The following HSD17B6 variants were observed in gnomAD, a reference collection of about 807,000 sequenced individuals.
HSD17B6 encodes the protein 17-beta-hydroxysteroid dehydrogenase type 6.
Under a neutral mutation model 26.4 loss-of-function variants are expected in HSD17B6, and 16 were observed. The observed-to-expected ratio is 0.61, with a 90% CI of 0.41 to 0.92. The LOEUF is 0.92. Ranked by LOEUF, HSD17B6 falls within the 40% of genes least tolerant of loss-of-function variation. The pLI is 0.00. For missense variants in HSD17B6, 357 were observed against 386.1 expected (o/e 0.92, Z 0.63); for synonymous variants, 139 against 153.0 (o/e 0.91, Z 0.68).
chr12:56,785,101 G>A, intron 4 of HSD17B6, 85 bp downstream of exon 4: 1 of 1,349,264 alleles, frequency 7.4e-7, no homozygotes, highest in Non-Finnish European at 1.0e-6. Flanking sequence ...CTGAGACTGG[G>A]TAATTTATAA....
At position 56,774,120 on chromosome 12, in the gene HSD17B6, A is replaced by G. The variant is rs775246228; in HGVS notation, c.268A>G (p.Ile90Val). ...CCTGGATGTTACCAAGATGGAGAGC[A>G]TCGCTGCAGCTACTCAGTGGGTGAA... is the stretch of plus-strand genomic sequence containing the variant. ...VTLDVTKMES[I>V]AAATQWVKEH... is the part of the protein sequence containing the mutation. The change falls in exon 2 of 5, where the codon ATC becomes GTC. Residue 90 changes from isoleucine to valine, a missense_variant. Coordinates refer to ENST00000322165, the MANE Select transcript of HSD17B6 (RefSeq NM_003725.4). The G allele has an allele frequency of 2.2e-5, 36 of 1,600,876 alleles. No homozygotes were observed. The highest frequency in any genetic ancestry group is 3.4e-5 in the Admixed American group (2 of 59,296).
In HSD17B6 at chr12:56,780,641, G is replaced by A. The variant is rs1312980021; in HGVS notation, c.314-1333G>A. 2.6e-5 allele frequency among the ~76,000 whole-genome samples: 4 copies of A among 151,996 alleles called. No homozygotes were observed. The East Asian group carries it at 5.8e-4, about 22-fold the overall frequency. The stretch of plus-strand genomic sequence containing the variant: ...TGGGAGGCCGAGGCGGGCAGATCAC[G>A]AGGTCAGGAGATCGAGACCATCCTG... On this transcript the variant is annotated intron_variant, in intron 2 of 4. Transcript: ENST00000322165.
chr12:56,776,284 A>C (rs1954590668), intron 2 of HSD17B6, among the ~76,000 whole-genome samples: 1 of 150,036 alleles, frequency 6.7e-6, no homozygotes, highest in African/African-American at 2.5e-5. Context: ...GTATGCATTT[A>C]AGATTCCTTC....
rs1954539454 is a variant in HSD17B6 at position 56,774,080 on chromosome 12, G to T, written c.228G>T (p.Arg76Ser). The T allele has an allele frequency of 1.2e-6, 2 of 1,613,748 alleles. No homozygotes were observed. Among genetic ancestry groups the T allele is most frequent in the East Asian group, 2.2e-5 (1 of 44,886 alleles). Reference protein sequence around the residue: ...AEQLRGQTSDRLETVTLDVTK... With the variant: ...AEQLRGQTSDSLETVTLDVTK... ...AGCTGAGGGGCCAGACGTCTGACAG[G>T]CTGGAGACGGTGACCCTGGATGTTA... The change falls in exon 2 of 5, where the codon AGG becomes AGT. Residue 76 changes from arginine (R) to serine (S), a missense_variant. Arg to Ser is a moderately radical substitution (Grantham distance 110). Transcript: ENST00000322165.
At chr12:56,786,409 C>T (rs1283394640) in intron 4 of HSD17B6, among the ~76,000 whole-genome samples, 2 of 152,104 alleles carry the variant, frequency 1.3e-5, no homozygotes, top group African/African-American at 2.4e-5. Flanking sequence ...ACCACCAAGC[C>T]TGGCTAATTT....
At chr12:56,783,920 C>G (rs547376556) in intron 3 of HSD17B6, among the ~76,000 whole-genome samples, 1 of 147,914 alleles carries the variant, frequency 6.8e-6, no homozygotes, top group Admixed American at 6.7e-5. Flanking sequence ...ACTTCTCAAA[C>G]GGGGCGGTTG....
At chr12:56,766,756 G>A (rs1954338674) in intron 1 of HSD17B6, among the ~76,000 whole-genome samples, 2 of 152,186 alleles carry the variant, frequency 1.3e-5, no homozygotes, top group African/African-American at 2.4e-5. Context: ...GGCCAATCAA[G>A]AGGCATTGAG....
chr12:56,777,227 C>T (rs1475881206), intron 2 of HSD17B6, among the ~76,000 whole-genome samples: 1 of 152,122 alleles, frequency 6.6e-6, no homozygotes, highest in African/African-American at 2.4e-5. Flanking sequence ...ACTAGAGTAG[C>T]TGGGACTACA....
At chr12:56,775,662 G>T (rs1393928380) in intron 2 of HSD17B6, among the ~76,000 whole-genome samples, 1 of 151,724 alleles carries the variant, frequency 6.6e-6, no homozygotes, top group East Asian at 1.9e-4. Flanking sequence ...TTGAGACAGA[G>T]TTGTTACAAT....
At position 56,787,419 on chromosome 12, in the gene HSD17B6, A is replaced by T. The variant is rs1954903620; in HGVS notation, c.*77A>T. Reference sequence around the variant, plus strand: ...AGTGTCTCAGTAATCCTGATTTAGAACCCAGGCTTTTTGTAACAATGTGTT... The same window carrying T: ...AGTGTCTCAGTAATCCTGATTTAGATCCCAGGCTTTTTGTAACAATGTGTT... On this transcript the variant is annotated 3_prime_UTR_variant, in exon 5 of 5. Coordinates refer to ENST00000322165, the MANE Select transcript of HSD17B6 (RefSeq NM_003725.4). 1.1e-6 allele frequency: 1 copy of T among 923,302 alleles called. No homozygotes were observed. The highest frequency in any genetic ancestry group is 1.7e-6 in the Non-Finnish European group (1 of 598,498). The allele number at this position is 923,302 out of a possible 1,614,324, so 57.2% of individuals were successfully genotyped here. A position where few individuals can be genotyped will look rare whatever the true frequency, so the allele number is the denominator to read the frequency against.
chr12:56,764,174 G>A (rs914888753), intron 1 of HSD17B6, among the ~76,000 whole-genome samples: 1 of 151,888 alleles, frequency 6.6e-6, no homozygotes, highest in Non-Finnish European at 1.5e-5. Flanking sequence ...TAGCCTGTAT[G>A]CCCAAGTGGG....
intron 2 of HSD17B6, among the ~76,000 whole-genome samples, chr12:56,780,156 T>C (rs1442977093): frequency 6.6e-6 from 1 of 152,222 alleles, no homozygotes; most frequent in Non-Finnish European, 1.5e-5. Context: ...ATTTTATTTT[T>C]TCTTTGATCT....
At chr12:56,787,073 T>C in intron 4 of HSD17B6, 52 bp from the exon 5 acceptor site, 1 of 1,406,764 alleles carries the variant, frequency 7.1e-7, no homozygotes, top group Middle Eastern at 1.8e-4. Context: ...TGCATGATCT[T>C]AAAAATATAA....
chr12:56,784,383 C>T (rs1295792832), intron 3 of HSD17B6, among the ~76,000 whole-genome samples: 1 of 152,190 alleles, frequency 6.6e-6, no homozygotes, highest in Non-Finnish European at 1.5e-5. Flanking sequence ...CCAGCCTGGG[C>T]ACCATTGAGC....
intron 2 of HSD17B6, among the ~76,000 whole-genome samples, chr12:56,778,674 C>CTTTTT (rs1159153527): frequency 1.6e-5 from 2 of 122,964 alleles, no homozygotes; most frequent in African/African-American, 3.0e-5. Context: ...GAGTCTTTTT[C>CTTTTT]TTTTTTTTTT....
At chr12:56,765,471 A>C (rs992600426) in intron 1 of HSD17B6, among the ~76,000 whole-genome samples, 16 of 151,984 alleles carry the variant, frequency 1.1e-4, no homozygotes, top group East Asian at 3.9e-4. Flanking sequence ...CACACACACA[A>C]AAAACCAATC....
Position 56,773,901 on chromosome 12 carries a change from T to C in HSD17B6, c.49T>C (p.Trp17Arg). Residue 17 changes from tryptophan (W) to arginine (R), a missense_variant, in exon 2 of 5, where the codon TGG becomes CGG. Physicochemically the swap from Trp to Arg is moderately radical, Grantham distance 101. Transcript: ENST00000322165. ...AFVGLYYLLH[W>R]YRERQVVSHL... ...CGTGGGCCTGTACTACCTTCTGCAC[T>C]GGTACCGGGAGAGGCAGGTGGTGAG... 2 of 1,611,456 alleles carry C rather than the reference T, an allele frequency of 1.2e-6. No individual in the cohort carries two copies. The highest frequency in any genetic ancestry group is 1.7e-6 in the Non-Finnish European group (2 of 1,178,318).
intron 1 of HSD17B6, among the ~76,000 whole-genome samples, chr12:56,767,057 G>A (rs1199540676): frequency 6.6e-6 from 1 of 152,084 alleles, no homozygotes; most frequent in Admixed American, 6.6e-5. Context: ...GGTCTTGAAA[G>A]GGAAAGGCAG....
chr12:56,784,787 T>A, intron 3 of HSD17B6, 66 bp from the exon 4 acceptor site: 2 of 1,511,514 alleles, frequency 1.3e-6, no homozygotes, highest in Non-Finnish European at 1.8e-6. Context: ...TTTGTTTTGC[T>A]TTTCCTTCCT....
Sources: gnomAD v4.1 joint callset for allele counts (sites outside exome capture counted in the v4.1 genomes callset) on GRCh38, gnomAD v4.1.1 for gene constraint, MANE v1.5 for transcripts, NCBI Gene and HGNC (gene_info 2026-07-23, HGNC 2026-07-21) for gene names.